Variants in RTN4 observed in about 807,000 individuals in gnomAD.
The protein encoded by RTN4 is reticulon 4.
Under a neutral mutation model 90.4 loss-of-function variants are expected in RTN4, and 32 were observed. That is an observed-to-expected ratio of 0.35 (90% CI 0.27 to 0.48). RTN4 has a LOEUF of 0.48. RTN4 is among the 20% of genes least tolerant of loss of function. The pLI is 0.99. For missense variants in RTN4, 1,706 were observed against 1,430.2 expected (o/e 1.19, Z -3.11); for synonymous variants, 629 against 552.5 (o/e 1.14, Z -1.94).
At chr2:55,137,400 C>T in the RTN4 span, among the ~76,000 whole-genome samples, 2 of 152,132 alleles carry the variant, frequency 1.3e-5, no homozygotes, top group Non-Finnish European at 2.9e-5. Context: ...CAGACCAGAA[C>T]CACACTTTAG....
At chr2:55,061,275 G>A (rs1472087826) in intron 2 of RTN4, among the ~76,000 whole-genome samples, 1 of 152,036 alleles carries the variant, frequency 6.6e-6, no homozygotes, top group Non-Finnish European at 1.5e-5. Context: ...TGTTGGCCAG[G>A]CTGGTCTCAA....
At chr2:54,978,882 T>C (rs1005136744) in intron 5 of RTN4, among the ~76,000 whole-genome samples, 1 of 152,048 alleles carries the variant, frequency 6.6e-6, no homozygotes, top group Admixed American at 6.5e-5. Context: ...TTAAACAAGG[T>C]AAATACATTT....
intron 1 of RTN4, among the ~76,000 whole-genome samples, chr2:55,030,640 G>A (rs1026397188): frequency 6.6e-6 from 1 of 152,158 alleles, no homozygotes; most frequent in Non-Finnish European, 1.5e-5. Context: ...GAAAAAAGAA[G>A]AAACAACTTG....
chr2:55,007,298 T>A (rs756460169), intron 3 of RTN4, among the ~76,000 whole-genome samples: 16 of 152,130 alleles, frequency 1.1e-4, no homozygotes, highest in Non-Finnish European at 1.8e-4. Flanking sequence ...TGGGCACAAC[T>A]ACAGTCATCC....
chr2:55,049,252 G>C, intron 1 of RTN4: 1 of 832,440 alleles, frequency 1.2e-6, no homozygotes, highest in East Asian at 1.2e-4. Flanking sequence ...TGAGGAGGGA[G>C]CCCGGGGCAG....
chr2:55,104,011 T>C (rs1453157452), intron 1 of RTN4, among the ~76,000 whole-genome samples: 1 of 151,564 alleles, frequency 6.6e-6, no homozygotes, highest in Admixed American at 6.6e-5. Context: ...TAGCTTTTTA[T>C]ATGTAAATTG....
chr2:54,990,096 G>A (rs983987636), intron 3 of RTN4, among the ~76,000 whole-genome samples: 2 of 152,146 alleles, frequency 1.3e-5, no homozygotes, highest in African/African-American at 2.4e-5. Flanking sequence ...GTGACCTCAG[G>A]AAAGTCACTA....
chr2:55,114,785 G>A (rs528694657), upstream of RTN4, among the ~76,000 whole-genome samples: 4 of 152,224 alleles, frequency 2.6e-5, no homozygotes, highest in South Asian at 2.1e-4. Flanking sequence ...AAAAAGGCAC[G>A]TTCCTCCTCT....
At chr2:55,118,498 T>C in the RTN4 span, among the ~76,000 whole-genome samples, 1 of 151,988 alleles carries the variant, frequency 6.6e-6, no homozygotes, top group African/African-American at 2.4e-5. Flanking sequence ...AAGTTTCACA[T>C]GATAAAGGGT....
chr2:55,040,404 T>C (rs144958110), intron 1 of RTN4, among the ~76,000 whole-genome samples: 1 of 152,260 alleles, frequency 6.6e-6, no homozygotes, highest in East Asian at 1.9e-4. Context: ...CCTTATTTTC[T>C]GAGATCAAAA....
In RTN4 at chr2:55,050,419, G is replaced by A. The variant is rs1668042563; in HGVS notation, c.-119C>T. On this transcript the variant is annotated 5_prime_UTR_variant, in exon 1 of 9. Coordinates refer to ENST00000337526, the MANE Select transcript of RTN4 (RefSeq NM_020532.5). The surrounding 1 kb of genome is among the most constrained non-coding windows in gnomAD (Gnocchi z 4.6). ...AGAGGGGCTGGGCCGACTGAGCCGA[G>A]GGACCTACTGTGGTGACGGCTCCCG... 3.8e-6 allele frequency: 2 copies of A among 520,614 alleles called. No individual in the cohort carries two copies. Among genetic ancestry groups the A allele is most frequent in the Non-Finnish European group, 6.3e-6 (2 of 318,808 alleles). 32.2% of individuals were successfully genotyped at this position (520,614 alleles called of 1,614,324 possible). A position where few individuals can be genotyped will look rare whatever the true frequency, so the allele number is the denominator to read the frequency against.
At chr2:55,131,155 A>G in the RTN4 span, among the ~76,000 whole-genome samples, 392 of 152,110 alleles carry the variant, frequency 2.6e-3, 3 homozygotes, top group African/African-American at 9.0e-3. Flanking sequence ...TCAGCTCACT[A>G]CAACCTCCAC....
intron 4 of RTN4, among the ~76,000 whole-genome samples, chr2:54,986,842 T>C (rs1678599672): frequency 6.6e-6 from 1 of 152,126 alleles, no homozygotes; most frequent in South Asian, 2.1e-4. Context: ...TTATGGTATA[T>C]GAATTATATG....
rs182688289 is a variant in RTN4, at chr2:55,112,066, C to T, written c.-214+454G>A. ...GCAATACCTTCCTATTAAATGCTAC[C>T]AAACTCCAGAAAGAGCGTGCCTTGG... On this transcript the variant is annotated intron_variant, in intron 1 of 3. Transcript: ENST00000427710. Among the ~76,000 whole-genome samples, 6 of 152,234 alleles carry T rather than the reference C, an allele frequency of 3.9e-5. No individual in the cohort carries two copies. The East Asian group carries it at 1.2e-3, about 29-fold the overall frequency.
intron 4 of RTN4, among the ~76,000 whole-genome samples, chr2:54,983,755 T>A (rs574283564): frequency 1.3e-5 from 2 of 152,250 alleles, no homozygotes; most frequent in African/African-American, 4.8e-5. Flanking sequence ...ATGTGAGCTA[T>A]CTTAGATAGT....
chr2:55,129,117 A>T, the RTN4 span, among the ~76,000 whole-genome samples: 2 of 151,290 alleles, frequency 1.3e-5, no homozygotes, highest in African/African-American at 2.5e-5. Flanking sequence ...CTCAAAAAAA[A>T]AAAAGAAAAA....
At chr2:55,095,406 A>G (rs961574614) in intron 1 of RTN4, among the ~76,000 whole-genome samples, 5 of 152,194 alleles carry the variant, frequency 3.3e-5, no homozygotes, top group African/African-American at 1.2e-4. Context: ...AATTTTTGTA[A>G]AATAATTTTA....
At chr2:55,090,923 G>C (rs1432630701) in intron 1 of RTN4, among the ~76,000 whole-genome samples, 1 of 152,112 alleles carries the variant, frequency 6.6e-6, no homozygotes, top group Non-Finnish European at 1.5e-5. Flanking sequence ...CTATCCAGGA[G>C]ATCAGCAGGC....
chr2:55,008,301 G>T (rs879519234), intron 3 of RTN4, among the ~76,000 whole-genome samples: 3 of 151,864 alleles, frequency 2.0e-5, no homozygotes, highest in African/African-American at 4.8e-5. Context: ...CTAGACCCTA[G>T]ATTAGGCTCC....
Sources: gnomAD v4.1 joint callset for allele counts (sites outside exome capture counted in the v4.1 genomes callset) on GRCh38, gnomAD v4.1.1 for gene constraint, Gnocchi (gnomAD v3.1) non-coding constraint, MANE v1.5 for transcripts, NCBI Gene and HGNC (gene_info 2026-07-23, HGNC 2026-07-21) for gene names.